The following FHL2 variants were observed in gnomAD, a reference collection of about 807,000 sequenced individuals.
FHL2 encodes the protein four and a half LIM domains 2.
In FHL2, 20 loss-of-function variants were observed where a neutral mutation model predicts 32.7. The ratio of observed to expected loss-of-function variants is 0.61; its 90% CI spans 0.43 to 0.89. The LOEUF (loss-of-function observed/expected upper bound fraction) is 0.89. FHL2 is among the 40% of genes least tolerant of loss of function. The probability of loss-of-function intolerance (pLI) is 0.00; values close to 1 mark genes in which losing one functional copy is unlikely to be tolerated. For synonymous variants in FHL2, 123 were observed against 128.1 expected (o/e 0.96, Z 0.27); for missense variants, 311 against 358.6 (o/e 0.87, Z 1.07).
intron 2 of FHL2, among the ~76,000 whole-genome samples, chr2:105,391,359 G>A (rs553028834): frequency 6.6e-6 from 1 of 152,292 alleles, no homozygotes; most frequent in Middle Eastern, 3.4e-3. Flanking sequence ...TGATGGGCAC[G>A]CAGAGGAGGA....
intron 1 of FHL2, among the ~76,000 whole-genome samples, chr2:105,413,183 G>T (rs151180034): frequency 1.3e-5 from 2 of 152,036 alleles, no homozygotes; most frequent in Non-Finnish European, 2.9e-5. Flanking sequence ...TCTTCATAGC[G>T]TCTCCTTCTC....
downstream of FHL2, chr2:105,359,033 C>G (rs1217719456): frequency 6.6e-6 from 1 of 152,188 alleles, no homozygotes; most frequent in Admixed American, 6.5e-5. Flanking sequence ...GGAAAATCAC[C>G]CAGTGTCGTT....
chr2:105,386,333 G>A, intron 3 of FHL2, 28 bp downstream of exon 3: 1 of 1,609,290 alleles, frequency 6.2e-7, no homozygotes, highest in Non-Finnish European at 8.5e-7. Flanking sequence ...GGGAGCGCCG[G>A]GGACCCGCAG....
intron 1 of FHL2, among the ~76,000 whole-genome samples, chr2:105,418,628 T>C (rs1240321238): frequency 6.6e-6 from 1 of 152,182 alleles, no homozygotes; most frequent in Non-Finnish European, 1.5e-5. Flanking sequence ...ACATAGAGTA[T>C]TCTATTTCTT....
At chr2:105,400,954 T>C (rs751030327), upstream of FHL2, among the ~76,000 whole-genome samples, 6 of 151,730 alleles carry the variant, frequency 4.0e-5, no homozygotes, top group African/African-American at 2.4e-5. Flanking sequence ...GAAACAAACA[T>C]ACCCAGTTTC....
chr2:105,394,043 A>T (rs1317388537), intron 2 of FHL2, among the ~76,000 whole-genome samples: 3 of 152,172 alleles, frequency 2.0e-5, no homozygotes, highest in Non-Finnish European at 4.4e-5. Flanking sequence ...CAGACATGTG[A>T]TGCCTATAAT....
chr2:105,419,258 G>A (rs374718823), intron 1 of FHL2, among the ~76,000 whole-genome samples: 12 of 152,100 alleles, frequency 7.9e-5, no homozygotes, highest in African/African-American at 1.4e-4. Context: ...GTTTGGTTAC[G>A]TAAGTAAGTT....
intron 1 of FHL2, among the ~76,000 whole-genome samples, chr2:105,417,674 AC>A (rs550896544): frequency 1.8e-4 from 22 of 120,964 alleles, no homozygotes; most frequent in African/African-American, 6.6e-4. Flanking sequence ...ATACAGCGAG[AC>A]TCCATCTCCA....
chr2:105,414,516 C>G (rs879438728), intron 1 of FHL2, among the ~76,000 whole-genome samples: 7 of 152,090 alleles, frequency 4.6e-5, no homozygotes, highest in African/African-American at 7.2e-5. Flanking sequence ...CAAAAGTACT[C>G]TTGTCACTCA....
At chr2:105,384,907 C>A (rs905728921) in intron 3 of FHL2, among the ~76,000 whole-genome samples, 15 of 152,218 alleles carry the variant, frequency 9.9e-5, no homozygotes, top group African/African-American at 3.6e-4. Context: ...TGGGCTGGAA[C>A]TGGGCAGTCT....
In FHL2 at chr2:105,361,193, A is replaced by C; in HGVS notation, c.*90T>G. ...TAGAAGAAAGTCTCAATGTGGCTGG[A>C]AGAAACCAGAAGGCAAGATTGCCTG... On this transcript the variant is annotated 3_prime_UTR_variant, in exon 7 of 7. Coordinates refer to ENST00000530340, the MANE Select transcript of FHL2 (RefSeq NM_001318895.3). 1 of 1,369,378 alleles carries C rather than the reference A, an allele frequency of 7.3e-7. No individual in the cohort carries two copies. Among genetic ancestry groups the C allele is most frequent in the Non-Finnish European group, 1.0e-6 (1 of 987,298 alleles). The allele number at this position is 1,369,378 out of a possible 1,614,324, so 84.8% of individuals were successfully genotyped here. A position where few individuals can be genotyped will look rare whatever the true frequency, so the allele number is the denominator to read the frequency against.
chr2:105,403,150 G>A (rs1683525396), upstream of FHL2, among the ~76,000 whole-genome samples: 1 of 152,208 alleles, frequency 6.6e-6, no homozygotes. Context: ...GCATGAAGTA[G>A]GCCCTTTGTA....
chr2:105,420,003 A>G (rs2104667048), intron 1 of FHL2, among the ~76,000 whole-genome samples: 1 of 152,336 alleles, frequency 6.6e-6, no homozygotes, highest in East Asian at 1.9e-4. Context: ...TCTCAAGAGG[A>G]GAAGTGACTG....
Position 105,431,873 on chromosome 2 carries a change from A to C in FHL2, c.-25+6526T>G, listed in dbSNP as rs72836939. Among the ~76,000 whole-genome samples, 1,020 of 152,346 alleles carry C rather than the reference A, an allele frequency of 6.7e-3. 6 individuals are homozygous for C. The highest frequency in any genetic ancestry group is 0.011 in the Non-Finnish European group (753 of 68,030). ...CAGGAAAGAGTGAAGCACAGCAGAC[A>C]AAAGTAGAAGCAGCTCAGGGCAGCA... On this transcript the variant is annotated intron_variant, in intron 1 of 5. Coordinates refer to the FHL2 transcript ENST00000393352.
chr2:105,382,517 A>G (rs568165571), intron 3 of FHL2, among the ~76,000 whole-genome samples: 1 of 152,334 alleles, frequency 6.6e-6, no homozygotes, highest in East Asian at 1.9e-4. Context: ...CATAAAATGG[A>G]ATGAAAAAAG....
rs1022701182 is a variant in FHL2, at chr2:105,371,817, G to T, written c.331+1742C>A. ...GGGTTTAATTTGTTTTTCAATTAATGTCGTGGTTCTTATTGTTACTGAGTG... is the reference window on the plus strand; with the variant it reads ...GGGTTTAATTTGTTTTTCAATTAATTTCGTGGTTCTTATTGTTACTGAGTG... On this transcript the variant is annotated intron_variant, in intron 4 of 6. Coordinates refer to ENST00000530340, the MANE Select transcript of FHL2 (RefSeq NM_001318895.3). 3.3e-5 allele frequency among the ~76,000 whole-genome samples: 5 copies of T among 152,300 alleles called. No individual in the cohort carries two copies. In the South Asian group the frequency reaches 1.0e-3, roughly 32 times the overall value.
rs754295720 is a variant in FHL2 at position 105,386,357 on chromosome 2, G to T, written c.156+4C>A. ...GGGGACCCGCAGAGGCCCGCAGCAG[G>T]TACCTTGCAGTCACAGCCGATGGGC... On this transcript the variant is annotated splice_donor_region_variant and intron_variant, in intron 3 of 6. Coordinates refer to ENST00000530340, the MANE Select transcript of FHL2 (RefSeq NM_001318895.3). 6.2e-7 allele frequency: 1 copy of T among 1,613,412 alleles called. No individual in the cohort carries two copies. Among genetic ancestry groups the T allele is most frequent in the Non-Finnish European group, 8.5e-7 (1 of 1,179,786 alleles).
At chr2:105,364,047 A>T (rs141547224) in intron 5 of FHL2, among the ~76,000 whole-genome samples, 1,925 of 152,318 alleles carry the variant, frequency 0.013, 54 homozygotes, top group African/African-American at 0.045. Context: ...ACTTGAGGTC[A>T]GGAGTTCGAG....
At chr2:105,364,617 C>T (rs533096982) in intron 5 of FHL2, among the ~76,000 whole-genome samples, 12 of 152,300 alleles carry the variant, frequency 7.9e-5, no homozygotes, top group African/African-American at 2.9e-4. Flanking sequence ...AGTAAGCTAT[C>T]AGAGAGGAGT....
Sources: gnomAD v4.1 joint callset for allele counts (sites outside exome capture counted in the v4.1 genomes callset) on GRCh38, gnomAD v4.1.1 for gene constraint, MANE v1.5 for transcripts, NCBI Gene and HGNC (gene_info 2026-07-23, HGNC 2026-07-21) for gene names.